SEC16A: variants seen among roughly 807,000 people sequenced by gnomAD.
SEC16A encodes protein transport protein Sec16A.
Under a neutral mutation model 221.9 loss-of-function variants are expected in SEC16A, and 110 were observed. That is an observed-to-expected ratio of 0.50 (90% CI 0.42 to 0.58). The LOEUF is 0.58. SEC16A is among the 20% of genes least tolerant of loss of function. The pLI is 0.00. For synonymous variants in SEC16A, 1,393 were observed against 1,257.7 expected (o/e 1.11, Z -2.28); for missense variants, 3,165 against 3,097.8 (o/e 1.02, Z -0.52).
upstream of SEC16A, chr9:136,483,087 G>C: frequency 9.8e-6 from 9 of 918,402 alleles, no homozygotes; most frequent in Non-Finnish European, 1.2e-5. Context: ...TCCGGCTTAC[G>C]ACATCAGCGC....
chr9:136,465,873 C>T, intron 8 of SEC16A, 89 bp downstream of exon 8: 3 of 1,365,834 alleles, frequency 2.2e-6, no homozygotes, highest in Non-Finnish European at 3.0e-6. Flanking sequence ...CAATTCCAAT[C>T]CCAGCCCTGA....
At position 136,474,723 on chromosome 9, in the gene SEC16A, C is replaced by G; in HGVS notation, c.2893G>C (p.Val965Leu). 6.2e-7 allele frequency: 1 copy of G among 1,613,898 alleles called. No individual in the cohort carries two copies. The highest frequency in any genetic ancestry group is 8.5e-7 in the Non-Finnish European group (1 of 1,179,900). The change falls in exon 3 of 32, where the codon GTG becomes CTG. Residue 965 changes from valine to leucine, a missense_variant. Coordinates refer to ENST00000684901, the MANE Select transcript of SEC16A (RefSeq NM_014866.2). Reference sequence around the variant, plus strand: ...GTGCCGTGTGCAGGTGGAACTAACACCACACTTGTGCTTCCAGCAGGGCTA... The same window carrying G: ...GTGCCGTGTGCAGGTGGAACTAACAGCACACTTGTGCTTCCAGCAGGGCTA... ...ANSPAGSTSV[V>L]LVPPAHGTLV...
chr9:136,479,570 T>G (rs1481818878), intron 1 of SEC16A, among the ~76,000 whole-genome samples: 4 of 152,118 alleles, frequency 2.6e-5, no homozygotes, highest in Non-Finnish European at 5.9e-5. Flanking sequence ...GCCAGGATGG[T>G]CTTGATCTCC....
At chr9:136,444,978 C>T (rs563109004) in intron 30 of SEC16A, 74 bp downstream of exon 30, 39 of 1,364,070 alleles carry the variant, frequency 2.9e-5, no homozygotes, top group Middle Eastern at 1.8e-4. Context: ...CGTGGCGAAC[C>T]GGCACCGCGT....
At chr9:136,464,644 G>T in intron 8 of SEC16A, 82 bp from the exon 9 acceptor site, 3 of 1,241,204 alleles carry the variant, frequency 2.4e-6, no homozygotes, top group Non-Finnish European at 2.3e-6. Context: ...TGCTCACACA[G>T]CTTAAATCAC....
chr9:136,450,029 C>T (rs1390760502), intron 23 of SEC16A, among the ~76,000 whole-genome samples: 1 of 152,018 alleles, frequency 6.6e-6, no homozygotes, highest in African/African-American at 2.4e-5. Context: ...CATGGTGAAA[C>T]CCCATCTCTA....
chr9:136,443,924 TCAGCAGGGCTGCGCTGCA>T (rs762712427), intron 30 of SEC16A, 24 bp from the exon 31 acceptor site: 1 of 1,581,970 alleles, frequency 6.3e-7, no homozygotes, highest in Non-Finnish European at 8.6e-7. Flanking sequence ...AGAAGTCACC[TCAGCAGGGCTGCGCTGCA>T]CAGCAGCTGT....
Position 136,459,573 on chromosome 9 carries a change from G to T in SEC16A, c.5192-18C>A. The T allele has an allele frequency of 6.4e-7, 1 of 1,556,310 alleles. No individual in the cohort carries two copies. Among genetic ancestry groups the T allele is most frequent in the South Asian group, 1.2e-5 (1 of 85,620 alleles). Reference sequence around the variant, plus strand: ...CCTTGAAGCTGCGGAGAGACGACACGACACACGGCGGGGGCTCAGCGACCG... The same window carrying T: ...CCTTGAAGCTGCGGAGAGACGACACTACACACGGCGGGGGCTCAGCGACCG... On this transcript the variant is annotated intron_variant, in intron 15 of 31. Coordinates refer to ENST00000684901, the MANE Select transcript of SEC16A (RefSeq NM_014866.2). This position sits in a 1 kb window ranked among gnomAD's most constrained non-coding sequence, Gnocchi z 6.1.
chr9:136,484,194 C>A, upstream of SEC16A: 1 of 264,352 alleles, frequency 3.8e-6, no homozygotes, highest in Non-Finnish European at 6.0e-6. Context: ...CCCCGGCCGC[C>A]AGCCCCACAG....
In SEC16A at chr9:136,446,862, T is replaced by G. The variant is rs767618995; in HGVS notation, c.6785A>C (p.Glu2262Ala). 1 of 1,605,444 alleles carries G rather than the reference T, an allele frequency of 6.2e-7. No individual in the cohort carries two copies. Among genetic ancestry groups the G allele is most frequent in the South Asian group, 1.1e-5 (1 of 89,866 alleles). The change falls in exon 28 of 32, where the codon GAG (glutamate) becomes GCG (alanine). Residue 2262 changes from glutamate to alanine, a missense_variant. Transcript: ENST00000684901. ...CCCACCGTACCCGCTCACCTTGGGCTCTGGGGCAGGCTCTGGATTGGCCAG... is the reference window on the plus strand; with the variant it reads ...CCCACCGTACCCGCTCACCTTGGGCGCTGGGGCAGGCTCTGGATTGGCCAG... ...RGLANPEPAP[E>A]PKVLSSAASL... is the part of the protein sequence containing the mutation.
In SEC16A at chr9:136,459,942, T is replaced by A; in HGVS notation, c.5074-68A>T. ...CAGCGCCATTTCAATTCCACACAGC[T>A]GGGCTCACCAGGCACCTCACGGCCT... On this transcript the variant is annotated intron_variant, in intron 14 of 31. Transcript: ENST00000684901. The surrounding 1 kb of genome is among the most constrained non-coding windows in gnomAD (Gnocchi z 6.1). 6.5e-7 allele frequency: 1 copy of A among 1,544,446 alleles called. No individual in the cohort carries two copies. Among genetic ancestry groups the A allele is most frequent in the South Asian group, 1.2e-5 (1 of 86,080 alleles).
chr9:136,446,957 TGA>T lies in SEC16A; in HGVS notation c.6698-10_6698-9del. 1 of 1,613,402 alleles carries T rather than the reference TGA, an allele frequency of 6.2e-7. No homozygotes were observed. Among genetic ancestry groups the T allele is most frequent in the Non-Finnish European group, 8.5e-7 (1 of 1,179,810 alleles). On this transcript the variant is annotated splice_polypyrimidine_tract_variant and intron_variant, in intron 27 of 31. Transcript: ENST00000684901. Reference sequence around the variant, plus strand: ...GCTGTGGTTCTTCTGCATCTGGGGATGAGAGAGCGAGGAGGCCATCATTCCGT... The same window carrying T: ...GCTGTGGTTCTTCTGCATCTGGGGATGAGAGCGAGGAGGCCATCATTCCGT...
At chr9:136,483,627 A>C (rs1434511265), upstream of SEC16A, 7 of 985,140 alleles carry the variant, frequency 7.1e-6, no homozygotes, top group Middle Eastern at 1.0e-3. Flanking sequence ...ATGTGAGAAG[A>C]GATGGGATTC....
rs1359798774 is a variant in SEC16A at position 136,441,525 on chromosome 9, T to A, written c.*230A>T. 7.0e-6 allele frequency: 4 copies of A among 569,022 alleles called. No individual in the cohort carries two copies. In the African/African-American group the frequency reaches 7.5e-5, roughly 11 times the overall value. The allele number at this position is 569,022 out of a possible 1,614,324, so 35.2% of individuals were successfully genotyped here. On this transcript the variant is annotated 3_prime_UTR_variant, in exon 32 of 32. Transcript: ENST00000684901. ...TCACATCATTCTTTTCGGCAAACAA[T>A]TCTGAGTCAAAGATTCAGTCTTTCC...
rs1426488301 is a variant in SEC16A at position 136,476,939 on chromosome 9, C to T, written c.677G>A (p.Gly226Glu). Residue 226 changes from glycine to glutamate, a missense_variant, in exon 3 of 32, where the codon GGG becomes GAG. Transcript: ENST00000684901. ...TTCAGGGCAGGGTGAACGATGTTGCCCCGAGGGCTGTGGGCCTCCCTGCAC... is the reference window on the plus strand; with the variant it reads ...TTCAGGGCAGGGTGAACGATGTTGCTCCGAGGGCTGTGGGCCTCCCTGCAC... The part of the protein sequence containing the change: ...GPVQGGPQPS[G>E]QHRSPCPEGP... The T allele has an allele frequency of 6.2e-7, 1 of 1,612,290 alleles. No individual in the cohort carries two copies. The highest frequency in any genetic ancestry group is 1.1e-5 in the South Asian group (1 of 91,058).
At chr9:136,467,295 T>C (rs1230693205) in intron 5 of SEC16A, among the ~76,000 whole-genome samples, 1 of 152,226 alleles carries the variant, frequency 6.6e-6, no homozygotes, top group African/African-American at 2.4e-5. Context: ...TTTCTCTCAA[T>C]ACAAGTGTTT....
chr9:136,453,506 T>C lies in SEC16A; in HGVS notation c.6081A>G (p.Ile2027Met), dbSNP rs1249749630. Residue 2027 changes from isoleucine to methionine, a missense_variant, in exon 22 of 32, where the codon ATA becomes ATG. By Grantham distance (10) the Ile-to-Met change is conservative (BLOSUM62 1). This residue lies in a region of SEC16A where 1,088 missense variants were observed against 1,089.6 expected (regional missense o/e 1.00). Transcript: ENST00000684901. ...TTCCAACAGGCGCCTCCTGCGGCACTATCCCTGTCAACGGGAAAGAGAGCA... is the reference window on the plus strand; with the variant it reads ...TTCCAACAGGCGCCTCCTGCGGCACCATCCCTGTCAACGGGAAAGAGAGCA... ...LQEARSPDPG[I>M]VPQEAPVGNS... The C allele has an allele frequency of 2.5e-6, 4 of 1,612,034 alleles. No individual in the cohort carries two copies. Among genetic ancestry groups the C allele is most frequent in the Non-Finnish European group, 3.4e-6 (4 of 1,178,264 alleles).
chr9:136,447,911 T>C lies in SEC16A; in HGVS notation c.6391-2A>G. The C allele has an allele frequency of 6.2e-7, 1 of 1,605,810 alleles. No individual in the cohort carries two copies. ...GTTTTTCTTTTCATCCCAAACAATCTGCCAAGATTTTAAAAAGAAAAAAGG... is the reference window on the plus strand; with the variant it reads ...GTTTTTCTTTTCATCCCAAACAATCCGCCAAGATTTTAAAAAGAAAAAAGG... On this transcript the variant is annotated splice_acceptor_variant, in intron 24 of 31. Coordinates refer to ENST00000684901, the MANE Select transcript of SEC16A (RefSeq NM_014866.2). LOFTEE classifies it high-confidence loss of function. This position sits in a 1 kb window ranked among gnomAD's most constrained non-coding sequence, Gnocchi z 5.5.
In SEC16A at chr9:136,482,937, C is replaced by T. The variant is rs1252290889; in HGVS notation, c.-192+1G>A. 2.0e-6 allele frequency: 2 copies of T among 981,306 alleles called. 1 individual carries two copies. The highest frequency in any genetic ancestry group is 3.5e-5 in the African/African-American group (2 of 56,848). The allele number at this position is 981,306 out of a possible 1,614,324, so 60.8% of individuals were successfully genotyped here. A position where few individuals can be genotyped will look rare whatever the true frequency, so the allele number is the denominator to read the frequency against. ...CCCCTCACCCGCGCTCGCCCCCTCA[C>T]CCGCGCGGCTGAGACCGATCCCTCA... On this transcript the variant is annotated splice_donor_variant, in intron 1 of 31. Coordinates refer to ENST00000684901, the MANE Select transcript of SEC16A (RefSeq NM_014866.2). LOFTEE classifies it low-confidence loss of function (5UTR_SPLICE).
Sources: gnomAD v4.1 joint callset for allele counts (sites outside exome capture counted in the v4.1 genomes callset) on GRCh38, gnomAD v4.1.1 for gene constraint, gnomAD v4.1.1 regional missense constraint, Gnocchi (gnomAD v3.1) non-coding constraint, MANE v1.5 for transcripts, NCBI Gene and HGNC (gene_info 2026-07-23, HGNC 2026-07-21) for gene names.